MACF1: variants seen among roughly 807,000 people sequenced by gnomAD.
The protein encoded by MACF1 is microtubule actin crosslinking factor 1, also known as microtubule-actin cross-linking factor 1.
A neutral mutation model predicts 854.8 loss-of-function variants in MACF1; 193 were observed. That is an observed-to-expected ratio of 0.23 (90% CI 0.20 to 0.25). The LOEUF (loss-of-function observed/expected upper bound fraction) is 0.25, where lower values mean the gene tolerates loss of function less well. Ranked by LOEUF, MACF1 falls within the 10% of genes least tolerant of loss-of-function variation. The pLI, the probability that MACF1 is intolerant of heterozygous loss-of-function variation, is 1.00. For missense variants in MACF1, 7,722 were observed against 8,929.1 expected (o/e 0.86, Z 5.45); for synonymous variants, 3,185 against 3,226.7 (o/e 0.99, Z 0.44).
At position 39,360,032 on chromosome 1, in the gene MACF1, T is replaced by G. The variant is rs867973442; in HGVS notation, c.12245-761T>G. Among the ~76,000 whole-genome samples, 71 of 78,918 alleles carry G rather than the reference T, an allele frequency of 9.0e-4. 2 individuals are homozygous for G. Among genetic ancestry groups the G allele is most frequent in the African/African-American group, 3.3e-3 (63 of 19,038 alleles). The allele number at this position is 78,918 out of a possible 152,430, so 51.8% of individuals were successfully genotyped here. ...AAAAAAATATATATATATATATATATATATATATATATATATATATACACA... is the reference window on the plus strand; with the variant it reads ...AAAAAAATATATATATATATATATAGATATATATATATATATATATACACA... On this transcript the variant is annotated intron_variant, in intron 47 of 100. Transcript: ENST00000564288.
chr1:39,187,850 C>CTCTCTCTCTCTCTCTCTG (rs1553160166), intron 2 of MACF1, among the ~76,000 whole-genome samples: 2 of 106,314 alleles, frequency 1.9e-5, no homozygotes, highest in African/African-American at 7.0e-5. Context: ...GGCTGTCTTT[C>CTCTCTCTCTCTCTCTCTG]TCTCTCTCTC....
intron 26 of MACF1, among the ~76,000 whole-genome samples, chr1:39,314,368 C>G (rs1040488619): frequency 1.3e-5 from 2 of 151,730 alleles, no homozygotes; most frequent in African/African-American, 4.8e-5. Context: ...GAGATCGTGC[C>G]ATTGCACTCC....
At chr1:39,177,576 T>A (rs894850932) in intron 2 of MACF1, among the ~76,000 whole-genome samples, 2 of 152,132 alleles carry the variant, frequency 1.3e-5, no homozygotes, top group African/African-American at 4.8e-5. Context: ...TAAATGTTAT[T>A]GCTAATGGAG....
At chr1:39,127,517 T>C (rs1642890381) in intron 2 of MACF1, among the ~76,000 whole-genome samples, 1 of 152,234 alleles carries the variant, frequency 6.6e-6, no homozygotes, top group Non-Finnish European at 1.5e-5. Flanking sequence ...GCCAGTGAAA[T>C]AACTTGCTCA....
intron 14 of MACF1, among the ~76,000 whole-genome samples, 167 bp from the exon 15 acceptor site, chr1:39,287,119 C>G (rs1645659935): frequency 1.3e-5 from 2 of 151,966 alleles, no homozygotes; most frequent in South Asian, 4.2e-4. Flanking sequence ...TGCCACCACA[C>G]CCGGCTAATT....
chr1:39,198,369 C>T (rs561761169), intron 2 of MACF1, among the ~76,000 whole-genome samples: 15 of 151,788 alleles, frequency 9.9e-5, no homozygotes, highest in East Asian at 7.8e-4. Context: ...ATTAGCTGGG[C>T]GTGCCGGGCG....
chr1:39,328,577 G>C (rs1017568020), intron 36 of MACF1: 2 of 152,148 alleles, frequency 1.3e-5, no homozygotes, highest in African/African-American at 4.8e-5. Context: ...CCTGTTTGGG[G>C]TTCTTTTTTG....
chr1:39,420,999 G>A (rs1158990048), intron 58 of MACF1, among the ~76,000 whole-genome samples: 1 of 151,626 alleles, frequency 6.6e-6, no homozygotes, highest in Non-Finnish European at 1.5e-5. Flanking sequence ...CCGAGTAGCT[G>A]GGACTACAGG....
intron 97 of MACF1, among the ~76,000 whole-genome samples, chr1:39,478,088 C>G (rs1029275317): frequency 6.6e-6 from 1 of 150,702 alleles, no homozygotes; most frequent in Non-Finnish European, 1.5e-5. Context: ...CTGCAGCCTC[C>G]GCCTCCTGGG....
chr1:39,341,164 G>T (rs1157972527), intron 40 of MACF1, among the ~76,000 whole-genome samples: 4 of 151,342 alleles, frequency 2.6e-5, no homozygotes, highest in African/African-American at 9.7e-5. Context: ...CTCCTGAGTA[G>T]CTGGGACTAT....
At chr1:39,256,856 ATC>A (rs2148340898) in intron 5 of MACF1, among the ~76,000 whole-genome samples, 1 of 151,424 alleles carries the variant, frequency 6.6e-6, no homozygotes, top group South Asian at 2.1e-4. Context: ...GAAGAGAGGC[ATC>A]TCTCTTTTCT....
In MACF1 at chr1:39,441,211, G is replaced by A; in HGVS notation, c.18571-13G>A. ...TATTGATTGAAGAATCTGATTGAAT[G>A]TTTTTCCCCTAGATGAATAATGCTT... On this transcript the variant is annotated splice_polypyrimidine_tract_variant and intron_variant, in intron 73 of 100. Transcript: ENST00000564288. 6.2e-7 allele frequency: 1 copy of A among 1,613,902 alleles called. No homozygotes were observed. Among genetic ancestry groups the A allele is most frequent in the Non-Finnish European group, 8.5e-7 (1 of 1,179,778 alleles).
chr1:39,102,830 CTG>C (rs1489609450), intron 2 of MACF1: 1 of 702,600 alleles, frequency 1.4e-6, no homozygotes, highest in South Asian at 1.5e-5. Context: ...GCTTTTGCGA[CTG>C]TGTGGTCTGG....
chr1:39,381,702 C>T (rs541685850), intron 55 of MACF1, among the ~76,000 whole-genome samples: 6 of 152,152 alleles, frequency 3.9e-5, no homozygotes, highest in Non-Finnish European at 8.8e-5. Flanking sequence ...TGGTGGCACA[C>T]GCCTATAGTC....
intron 2 of MACF1, chr1:39,121,031 C>G (rs1642694238): frequency 6.6e-6 from 1 of 152,264 alleles, no homozygotes; most frequent in Admixed American, 6.6e-5. Flanking sequence ...ATATGTGTTG[C>G]TTAAGTGAGC....
At chr1:39,102,793 CAA>C (rs1419074067) in intron 2 of MACF1, 2 of 702,454 alleles carry the variant, frequency 2.8e-6, no homozygotes, top group Non-Finnish European at 5.2e-6. Flanking sequence ...AAAAGAAAAT[CAA>C]AGACCAAAAG....
rs1226823840 is a variant in MACF1 at position 39,378,512 on chromosome 1, A to C, written c.13265A>C (p.His4422Pro). ...TCTGTAGGCAGTGTAAACGGATACC[A>C]CACCTGCAAAGGTGAGAATGCCATT... is the stretch of plus-strand genomic sequence containing the variant. ...GSSVGSVNGY[H>P]TCKDLTEIQC... The change falls in exon 53 of 101, where the codon CAC becomes CCC. Residue 4422 changes from histidine to proline, a missense_variant. Physicochemically the swap from His to Pro is moderately conservative, Grantham distance 77 (BLOSUM62 -2). Coordinates refer to ENST00000564288, the MANE Select transcript of MACF1 (RefSeq NM_001394062.1). 1 of 1,613,820 alleles carries C rather than the reference A, an allele frequency of 6.2e-7. No individual in the cohort carries two copies. The highest frequency in any genetic ancestry group is 1.1e-5 in the South Asian group (1 of 91,058).
intron 7 of MACF1, among the ~76,000 whole-genome samples, chr1:39,282,951 G>A (rs1297536395): frequency 6.6e-6 from 1 of 152,124 alleles, no homozygotes; most frequent in Non-Finnish European, 1.5e-5. Context: ...TCTAACCGAC[G>A]ATATTTTTCC....
chr1:39,212,141 C>A (rs1479490461), intron 1 of MACF1, among the ~76,000 whole-genome samples: 2 of 151,976 alleles, frequency 1.3e-5, no homozygotes, highest in Non-Finnish European at 2.9e-5. Flanking sequence ...CTCCACTCAC[C>A]CTTTTCAAGA....
Sources: allele counts gnomAD v4.1 joint callset (sites outside exome capture counted in the v4.1 genomes callset), GRCh38; gene constraint gnomAD v4.1.1; transcripts MANE v1.5; gene names NCBI Gene and HGNC (gene_info 2026-07-23, HGNC 2026-07-21).